The following NAA15 variants were observed in gnomAD, a reference collection of about 807,000 sequenced individuals.
NAA15 encodes N-terminal acetyltransferase.
In NAA15, 34 loss-of-function variants were observed where a neutral mutation model predicts 114.0. The observed-to-expected ratio is 0.30, with a 90% CI of 0.23 to 0.40. The LOEUF (loss-of-function observed/expected upper bound fraction) is 0.40. NAA15 is among the 10% of genes least tolerant of loss of function. The pLI is 1.00. For synonymous variants in NAA15, 340 were observed against 338.0 expected (o/e 1.01, Z -0.06); for missense variants, 658 against 1,004.5 (o/e 0.66, Z 4.66).
intron 2 of NAA15, among the ~76,000 whole-genome samples, chr4:139,336,513 A>G (rs745671209): frequency 6.6e-6 from 1 of 152,156 alleles, no homozygotes; most frequent in East Asian, 1.9e-4. Context: ...ATTTTAATGA[A>G]GTAGATATGT....
At chr4:139,359,105 CAA>C (rs750787451) in intron 11 of NAA15, among the ~76,000 whole-genome samples, 4 of 135,010 alleles carry the variant, frequency 3.0e-5, no homozygotes, top group African/African-American at 5.4e-5. Context: ...ACTCCCATCT[CAA>C]AAAAAAAAAA....
intron 5 of NAA15, 63 bp from the exon 6 acceptor site, chr4:139,344,123 T>G: frequency 7.2e-7 from 1 of 1,397,814 alleles, no homozygotes; most frequent in Non-Finnish European, 9.7e-7. Flanking sequence ...TTGAGTATTG[T>G]GAACAATTTT....
At chr4:139,365,392 C>A (rs1748250413) in intron 14 of NAA15, among the ~76,000 whole-genome samples, 2 of 152,058 alleles carry the variant, frequency 1.3e-5, no homozygotes, top group South Asian at 2.1e-4. Flanking sequence ...GAAGCCTAGA[C>A]TTTGGAGTCC....
chr4:139,358,941 C>T (rs993618752), intron 11 of NAA15, among the ~76,000 whole-genome samples: 4 of 151,696 alleles, frequency 2.6e-5, no homozygotes, highest in Admixed American at 6.6e-5. Flanking sequence ...ATGGTGAAAC[C>T]CCATCTCTAC....
intron 19 of NAA15, among the ~76,000 whole-genome samples, chr4:139,387,122 C>T (rs2111011822): frequency 6.6e-6 from 1 of 152,254 alleles, no homozygotes; most frequent in Non-Finnish European, 1.5e-5. Flanking sequence ...ATTTAAAGTT[C>T]TAATCTAGGT....
At chr4:139,380,216 G>C (rs1328947455) in intron 17 of NAA15, among the ~76,000 whole-genome samples, 1 of 151,294 alleles carries the variant, frequency 6.6e-6, no homozygotes, top group Non-Finnish European at 1.5e-5. Flanking sequence ...AAGTAAAGGA[G>C]AGAATTGCTG....
rs546743708 is a variant in NAA15 at position 139,307,174 on chromosome 4, G to A, written c.54+5343G>A. Among the ~76,000 whole-genome samples the A allele has an allele frequency of 5.9e-5, 9 of 152,310 alleles. No individual in the cohort carries two copies. The East Asian group carries it at 1.7e-3, about 29-fold the overall frequency. On this transcript the variant is annotated intron_variant, in intron 1 of 19. Transcript: ENST00000296543. Reference sequence around the variant, plus strand: ...CCATTTGCCAGGCTCTGCTCTAGGTGCTTTAGAATAGCACTGCACAGTAGA... The same window carrying A: ...CCATTTGCCAGGCTCTGCTCTAGGTACTTTAGAATAGCACTGCACAGTAGA...
intron 6 of NAA15, among the ~76,000 whole-genome samples, chr4:139,344,784 T>C (rs1440606826): frequency 2.0e-5 from 3 of 152,186 alleles, no homozygotes; most frequent in Admixed American, 2.0e-4. Flanking sequence ...AGGATATTTC[T>C]GAGAGTCTTT....
At chr4:139,357,196 A>G (rs1215430700) in intron 10 of NAA15, among the ~76,000 whole-genome samples, 190 bp from the exon 11 acceptor site, 1 of 152,218 alleles carries the variant, frequency 6.6e-6, no homozygotes, top group Middle Eastern at 3.2e-3. Context: ...GCTAGGGGTT[A>G]TAAGGATGCA....
At chr4:139,371,497 G>GCA (rs35581039) in intron 15 of NAA15, among the ~76,000 whole-genome samples, 19,796 of 113,470 alleles carry the variant, frequency 0.17, 2,233 homozygotes, top group Middle Eastern at 0.23. Context: ...AAGAAAAGTA[G>GCA]CACACACACA....
chr4:139,366,800 G>C (rs1338253492), intron 14 of NAA15, among the ~76,000 whole-genome samples: 1 of 152,030 alleles, frequency 6.6e-6, no homozygotes, highest in Admixed American at 6.6e-5. Context: ...GTAGAGGTGG[G>C]GTCTTGCTAT....
At chr4:139,301,855 C>T in intron 1 of NAA15, 24 bp downstream of exon 1, 1 of 1,577,180 alleles carries the variant, frequency 6.3e-7, no homozygotes, top group Non-Finnish European at 8.6e-7. Context: ...TCCGGGCAAG[C>T]GGTGGGGAGG....
chr4:139,369,930 G>A (rs1282045819), intron 14 of NAA15, among the ~76,000 whole-genome samples: 1 of 151,964 alleles, frequency 6.6e-6, no homozygotes, highest in Non-Finnish European at 1.5e-5. Flanking sequence ...TCAGCCTCCT[G>A]AGTAGCAGGG....
At position 139,334,241 on chromosome 4, in the gene NAA15, A is replaced by G. The variant is rs1747123436; in HGVS notation, c.122A>G (p.Lys41Arg). The G allele has an allele frequency of 6.2e-7, 1 of 1,601,684 alleles. No individual in the cohort carries two copies. The highest frequency in any genetic ancestry group is 8.5e-7 in the Non-Finnish European group (1 of 1,174,856). The change falls in exon 2 of 20, where the codon AAA becomes AGA. Residue 41 changes from lysine (K) to arginine (R), a missense_variant. By Grantham distance (26) the Lys-to-Arg change is conservative. Coordinates refer to ENST00000296543, the MANE Select transcript of NAA15 (RefSeq NM_057175.5). ...TGTAAACAAATACTTTCTAATCCCA[A>G]ATTTGCAGAGCATGGAGGTAAGTGC... ...KFCKQILSNP[K>R]FAEHGETLAM...
At chr4:139,337,676 C>G (rs1251228801) in intron 3 of NAA15, among the ~76,000 whole-genome samples, 2 of 152,182 alleles carry the variant, frequency 1.3e-5, no homozygotes, top group African/African-American at 4.8e-5. Flanking sequence ...TCTATACCAA[C>G]TTTGTGGGCT....
At chr4:139,341,743 T>C (rs747778708) in intron 4 of NAA15, among the ~76,000 whole-genome samples, 14 of 151,280 alleles carry the variant, frequency 9.3e-5, no homozygotes, top group Non-Finnish European at 1.2e-4. Context: ...CTTGGAGACA[T>C]TAGAGTCTCA....
At chr4:139,328,062 TTCTC>T (rs932424411) in intron 1 of NAA15, among the ~76,000 whole-genome samples, 9 of 152,150 alleles carry the variant, frequency 5.9e-5, no homozygotes, top group African/African-American at 2.2e-4. Flanking sequence ...ACATTATCTT[TTCTC>T]TCTCTTTCAT....
At chr4:139,366,138 T>G (rs1005583826) in intron 14 of NAA15, among the ~76,000 whole-genome samples, 3 of 152,178 alleles carry the variant, frequency 2.0e-5, no homozygotes, top group African/African-American at 4.8e-5. Context: ...CATCATAAAT[T>G]AATCCCTAAA....
intron 6 of NAA15, among the ~76,000 whole-genome samples, chr4:139,348,736 TA>T (rs1248204052): frequency 1.3e-5 from 2 of 152,270 alleles, no homozygotes; most frequent in East Asian, 1.9e-4. Flanking sequence ...GTGGAGCAAA[TA>T]AACAGTTGGG....
Sources: allele counts gnomAD v4.1 joint callset (sites outside exome capture counted in the v4.1 genomes callset), GRCh38; gene constraint gnomAD v4.1.1; transcripts MANE v1.5; gene names NCBI Gene and HGNC (gene_info 2026-07-23, HGNC 2026-07-21).